Variants in EPHA6 observed in about 807,000 individuals in gnomAD.
The protein encoded by EPHA6 is EPH receptor A6, also known as ephrin type-A receptor 6.
A neutral mutation model predicts 112.0 loss-of-function variants in EPHA6; 50 were observed. The observed-to-expected ratio is 0.45, with a 90% CI of 0.36 to 0.56. The LOEUF (loss-of-function observed/expected upper bound fraction) is 0.56. Among genes scored for constraint, EPHA6 ranks in the 20% least tolerant of loss-of-function variants. The pLI, the probability that EPHA6 is intolerant of heterozygous loss-of-function variation, is 0.00. For missense variants in EPHA6, 1,280 were observed against 1,417.4 expected (o/e 0.90, Z 1.56); for synonymous variants, 529 against 490.7 (o/e 1.08, Z -1.03).
At chr3:97,574,721 G>A (rs1014797736) in intron 11 of EPHA6, among the ~76,000 whole-genome samples, 1 of 151,974 alleles carries the variant, frequency 6.6e-6, no homozygotes, top group Non-Finnish European at 1.5e-5. Context: ...ACAAAAATAT[G>A]AGCAGCTAAT....
At chr3:97,482,744 G>C (rs150360387) in intron 9 of EPHA6, among the ~76,000 whole-genome samples, 1 of 152,052 alleles carries the variant, frequency 6.6e-6, no homozygotes, top group South Asian at 2.1e-4. Flanking sequence ...AACAGTTAAC[G>C]CTGGGTATTA....
intron 2 of EPHA6, among the ~76,000 whole-genome samples, chr3:96,950,056 A>G (rs1223785280): frequency 6.6e-6 from 1 of 152,114 alleles, no homozygotes; most frequent in Non-Finnish European, 1.5e-5. Flanking sequence ...GGGAGACCTT[A>G]CTTTTAAAAC....
intron 2 of EPHA6, among the ~76,000 whole-genome samples, chr3:96,935,916 G>A (rs191559646): frequency 1.9e-4 from 29 of 151,968 alleles, no homozygotes; most frequent in African/African-American, 6.7e-4. Context: ...AATATTTAGT[G>A]TCATACCATA....
At position 97,547,027 on chromosome 3, in the gene EPHA6, G is replaced by A. The variant is rs181015599; in HGVS notation, c.2386+14484G>A. On this transcript the variant is annotated intron_variant, in intron 11 of 17. Transcript: ENST00000389672. ...TGGTTCGAATTTCATCCTGTAGCTC[G>A]GAGTACTTTTATCGTCTGAAGCCTT... 3.5e-3 allele frequency among the ~76,000 whole-genome samples: 540 copies of A among 152,168 alleles called. 2 individuals are homozygous for A. Among genetic ancestry groups the A allele is most frequent in the African/African-American group, 0.011 (459 of 41,518 alleles).
intron 5 of EPHA6, among the ~76,000 whole-genome samples, chr3:97,385,874 G>A (rs898828852): frequency 4.6e-5 from 7 of 152,054 alleles, no homozygotes; most frequent in South Asian, 4.2e-4. Context: ...GTGAGAACTC[G>A]TGCACTATCA....
At chr3:97,476,826 T>A (rs913445601) in intron 8 of EPHA6, among the ~76,000 whole-genome samples, 2 of 152,122 alleles carry the variant, frequency 1.3e-5, no homozygotes, top group African/African-American at 4.8e-5. Context: ...AGAAGGCACT[T>A]TACAACTATG....
At position 97,755,035 on chromosome 3, in the gene EPHA6, G is replaced by A. The variant is rs191062113; in HGVS notation, c.*6334G>A. Among the ~76,000 whole-genome samples the A allele has an allele frequency of 2.0e-5, 3 of 152,288 alleles. No individual in the cohort carries two copies. The highest frequency in any genetic ancestry group is 3.9e-4 in the East Asian group (2 of 5,174). Reference sequence around the variant, plus strand: ...TTTCTTTTAAACAAAACATGGAAAAGTTCTTGCTTGAACTTTCACACTGAT... The same window carrying A: ...TTTCTTTTAAACAAAACATGGAAAAATTCTTGCTTGAACTTTCACACTGAT... On this transcript the variant is annotated 3_prime_UTR_variant, in exon 18 of 18. Coordinates refer to ENST00000389672, the MANE Select transcript of EPHA6 (RefSeq NM_001080448.3).
chr3:97,533,546 A>C (rs1392352042), intron 11 of EPHA6, among the ~76,000 whole-genome samples: 1 of 152,092 alleles, frequency 6.6e-6, no homozygotes, highest in Non-Finnish European at 1.5e-5. Context: ...CTATTACTTT[A>C]GTGGCCTTAA....
At chr3:97,603,590 T>C (rs887029340) in intron 12 of EPHA6, among the ~76,000 whole-genome samples, 1 of 151,874 alleles carries the variant, frequency 6.6e-6, no homozygotes, top group African/African-American at 2.4e-5. Context: ...CACTCTAAGA[T>C]TAAAACCGTC....
chr3:97,280,341 A>G (rs1414412458), intron 5 of EPHA6, among the ~76,000 whole-genome samples: 1 of 152,252 alleles, frequency 6.6e-6, no homozygotes, highest in Admixed American at 6.5e-5. Context: ...AATTTCATAC[A>G]ACAGTTCCTG....
chr3:96,924,196 T>C lies in EPHA6; in HGVS notation c.450+57307T>C, dbSNP rs931944891. On this transcript the variant is annotated intron_variant, in intron 2 of 17. Transcript: ENST00000389672. ...CTAAATCTGTGAAGAATGTCAGTGGTAGTCTAATGGAAATAGCCTTGAATC... is the reference window on the plus strand; with the variant it reads ...CTAAATCTGTGAAGAATGTCAGTGGCAGTCTAATGGAAATAGCCTTGAATC... 2.0e-5 allele frequency among the ~76,000 whole-genome samples: 3 copies of C among 152,228 alleles called. No homozygotes were observed. In the South Asian group the frequency reaches 6.2e-4, roughly 31 times the overall value.
intron 2 of EPHA6, among the ~76,000 whole-genome samples, chr3:96,931,295 G>A (rs2040314518): frequency 1.3e-5 from 2 of 152,184 alleles, no homozygotes; most frequent in African/African-American, 4.8e-5. Context: ...TTAAGAAGCA[G>A]CTGCCATCTG....
intron 2 of EPHA6, among the ~76,000 whole-genome samples, chr3:96,904,098 C>T (rs1310667003): frequency 3.3e-5 from 5 of 152,072 alleles, no homozygotes; most frequent in South Asian, 2.1e-4. Context: ...CCAGCCATCC[C>T]GTTACTGGGT....
intron 3 of EPHA6, among the ~76,000 whole-genome samples, chr3:97,206,623 T>A (rs144784390): frequency 6.6e-6 from 1 of 152,136 alleles, no homozygotes; most frequent in African/African-American, 2.4e-5. Flanking sequence ...TGATACTAAT[T>A]TTTACCTTGT....
chr3:97,247,913 T>A lies in EPHA6; in HGVS notation c.1606+3626T>A, dbSNP rs148779978. On this transcript the variant is annotated intron_variant, in intron 5 of 17. Transcript: ENST00000389672. Reference sequence around the variant, plus strand: ...AGTTATATTAATTATTTTTTCCTACTCTATGTATGCACATTGTGGAACATG... The same window carrying A: ...AGTTATATTAATTATTTTTTCCTACACTATGTATGCACATTGTGGAACATG... Among the ~76,000 whole-genome samples the A allele has an allele frequency of 6.1e-3, 921 of 152,126 alleles. 10 individuals carry two copies. Among genetic ancestry groups the A allele is most frequent in the African/African-American group, 0.02 (847 of 41,552 alleles).
intron 1 of EPHA6, among the ~76,000 whole-genome samples, chr3:96,857,091 G>A (rs1470126059): frequency 1.3e-5 from 2 of 152,222 alleles, no homozygotes; most frequent in African/African-American, 2.4e-5. Context: ...TAATCAATAA[G>A]TTAAGAAAAC....
chr3:97,049,492 A>G (rs2045617447), intron 3 of EPHA6, among the ~76,000 whole-genome samples: 1 of 152,232 alleles, frequency 6.6e-6, no homozygotes, highest in African/African-American at 2.4e-5. Flanking sequence ...GTAAGTGCAG[A>G]TAGCGCAGAT....
chr3:96,891,525 A>G (rs892074502), intron 2 of EPHA6, among the ~76,000 whole-genome samples: 5 of 152,090 alleles, frequency 3.3e-5, no homozygotes, highest in African/African-American at 1.2e-4. Flanking sequence ...AGCCTTCAAC[A>G]TGGTGAAACC....
chr3:97,647,345 T>C (rs377396689), intron 14 of EPHA6, among the ~76,000 whole-genome samples: 1 of 152,206 alleles, frequency 6.6e-6, no homozygotes, highest in South Asian at 2.1e-4. Context: ...CAGCACAGCA[T>C]GAAAGGCAAC....
Sources: gnomAD v4.1 joint callset for allele counts (sites outside exome capture counted in the v4.1 genomes callset) on GRCh38, gnomAD v4.1.1 for gene constraint, MANE v1.5 for transcripts, NCBI Gene and HGNC (gene_info 2026-07-23, HGNC 2026-07-21) for gene names.